The following UGT1A10 variants were observed in gnomAD, a reference collection of about 807,000 sequenced individuals.
UGT1A10 encodes UDP glucuronosyltransferase family 1 member A10.
A neutral mutation model predicts 45.8 loss-of-function variants in UGT1A10; 49 were observed. That is an observed-to-expected ratio of 1.07 (90% CI 0.85 to 1.36). UGT1A10 has a LOEUF of 1.36. UGT1A10 is among the 40% of genes most tolerant of loss of function. The pLI is 0.00. For synonymous variants in UGT1A10, 284 were observed against 249.7 expected, an observed-to-expected ratio of 1.14 and a Z score of -1.29; for missense variants, 745 against 668.6, an observed-to-expected ratio of 1.11 and a Z score of -1.26.
chr2:233,684,489 A>G (rs1035081818), intron 1 of UGT1A10, among the ~76,000 whole-genome samples: 7 of 152,168 alleles, frequency 4.6e-5, no homozygotes, highest in Non-Finnish European at 1.0e-4. Context: ...TCAAAGGGTC[A>G]CCCAAAGGGA....
intron 1 of UGT1A10, among the ~76,000 whole-genome samples, chr2:233,724,861 A>T (rs2077325347): frequency 7.8e-6 from 1 of 128,420 alleles, no homozygotes; most frequent in African/African-American, 3.4e-5. Context: ...TGGGAGGTGT[A>T]GGTTGTAGTG....
chr2:233,757,188 C>CT (rs910058978), intron 1 of UGT1A10, among the ~76,000 whole-genome samples: 3 of 150,488 alleles, frequency 2.0e-5, no homozygotes, highest in African/African-American at 7.4e-5. Flanking sequence ...GCAGAGGACT[C>CT]TGAATTTTCT....
chr2:233,637,116 A>C lies in UGT1A10; in HGVS notation c.594A>C (p.Ser198=), dbSNP rs1371110258. 2.5e-6 allele frequency: 4 copies of C among 1,613,854 alleles called. No homozygotes were observed. In the African/African-American group the frequency reaches 4.0e-5, roughly 16 times the overall value. ...SYVPNDLLGF[S]DAMTFKERVW... Reference sequence around the variant, plus strand: ...TCCCCAATGATCTCTTAGGGTTCTCAGATGCCATGACTTTCAAGGAGAGAG... The same window carrying C: ...TCCCCAATGATCTCTTAGGGTTCTCCGATGCCATGACTTTCAAGGAGAGAG... Residue 198 remains serine (S), a synonymous_variant, in exon 1 of 5, where the codon TCA becomes TCC. Transcript: ENST00000344644.
intron 1 of UGT1A10, among the ~76,000 whole-genome samples, chr2:233,666,689 T>TGCAC (rs1326770646): frequency 2.0e-5 from 3 of 152,166 alleles, no homozygotes; most frequent in Non-Finnish European, 2.9e-5. Context: ...AGAGTACATG[T>TGCAC]GCACAATGTG....
Position 233,767,697 on chromosome 2 carries a change from C to A in UGT1A10, c.988-152C>A, listed in dbSNP as rs558537555. Reference sequence around the variant, plus strand: ...CTCCAAAACAAGATGCCGGAAGTTGCCAGTCCTCAGAAGCCTTCACAGTTA... The same window carrying A: ...CTCCAAAACAAGATGCCGGAAGTTGACAGTCCTCAGAAGCCTTCACAGTTA... On this transcript the variant is annotated intron_variant, in intron 2 of 4. Coordinates refer to ENST00000344644, the MANE Select transcript of UGT1A10 (RefSeq NM_019075.4). 77 of 1,498,202 alleles carry A rather than the reference C, an allele frequency of 5.1e-5. 3 individuals carry two copies. The South Asian group carries it at 9.5e-4, about 18-fold the overall frequency. 92.8% of individuals were successfully genotyped at this position (1,498,202 alleles called of 1,614,324 possible). A position where few individuals can be genotyped will look rare whatever the true frequency, so the allele number is the denominator to read the frequency against.
intron 1 of UGT1A10, among the ~76,000 whole-genome samples, chr2:233,724,317 G>A (rs1449472256): frequency 4.8e-4 from 64 of 132,596 alleles, no homozygotes; most frequent in East Asian, 1.3e-3. Flanking sequence ...CCCGGACGGG[G>A]CGGCTGGCCA....
chr2:233,656,864 A>G (rs1048779816), intron 1 of UGT1A10, among the ~76,000 whole-genome samples: 6 of 151,496 alleles, frequency 4.0e-5, no homozygotes, highest in Admixed American at 3.9e-4. Context: ...GGGCATCCCT[A>G]TTAAGATGTG....
intron 1 of UGT1A10, among the ~76,000 whole-genome samples, chr2:233,661,490 T>A (rs1387182884): frequency 6.6e-6 from 1 of 152,174 alleles, no homozygotes; most frequent in Non-Finnish European, 1.5e-5. Context: ...TCTTTGAATA[T>A]CCTTCTTTCT....
At chr2:233,693,417 T>A in intron 1 of UGT1A10, 1 of 1,614,112 alleles carries the variant, frequency 6.2e-7, no homozygotes, top group Non-Finnish European at 8.5e-7. Flanking sequence ...ACCCTGAACT[T>A]CTTTAAGGAG....
chr2:233,731,432 C>T (rs2078159298), intron 1 of UGT1A10, among the ~76,000 whole-genome samples: 1 of 152,116 alleles, frequency 6.6e-6, no homozygotes, highest in Non-Finnish European at 1.5e-5. Flanking sequence ...CCATCCCTCC[C>T]CCAGTCCCCC....
chr2:233,729,981 G>A (rs747249815), intron 1 of UGT1A10: 1 of 1,614,052 alleles, frequency 6.2e-7, no homozygotes, highest in Non-Finnish European at 8.5e-7. Flanking sequence ...CCAACAGGAA[G>A]CCACTATCTC....
At chr2:233,683,006 T>C (rs1231336803) in intron 1 of UGT1A10, among the ~76,000 whole-genome samples, 1 of 152,186 alleles carries the variant, frequency 6.6e-6, no homozygotes, top group East Asian at 1.9e-4. Flanking sequence ...GATATAATTG[T>C]AGATCATATC....
At position 233,767,184 on chromosome 2, in the gene UGT1A10, A is replaced by T. The variant is rs1373599662; in HGVS notation, c.987+19A>T. 3.7e-6 allele frequency: 6 copies of T among 1,613,882 alleles called. No individual in the cohort carries two copies. Among genetic ancestry groups the T allele is most frequent in the Non-Finnish European group, 5.1e-6 (6 of 1,179,970 alleles). ...TCAGACAGTAAGAAGATTCTATACCATGGCCTCATATCTATTTTCACAGGA... is the reference window on the plus strand; with the variant it reads ...TCAGACAGTAAGAAGATTCTATACCTTGGCCTCATATCTATTTTCACAGGA... On this transcript the variant is annotated intron_variant, in intron 2 of 4. Coordinates refer to ENST00000344644, the MANE Select transcript of UGT1A10 (RefSeq NM_019075.4).
Position 233,748,846 on chromosome 2 carries a change from G to A in UGT1A10, c.856-18188G>A, listed in dbSNP as rs117649476. ...CTAGGGAGGAGATAAAACTGTGAGC[G>A]TATAAGCCCAGTTAAGCTGGGGACG... On this transcript the variant is annotated intron_variant, in intron 1 of 4. Transcript: ENST00000344644. Among the ~76,000 whole-genome samples, 30 of 151,478 alleles carry A rather than the reference G, an allele frequency of 2.0e-4. 1 individual carries two copies. The East Asian group carries it at 5.4e-3, about 27-fold the overall frequency.
At chr2:233,736,819 A>G (rs1408974835) in intron 1 of UGT1A10, among the ~76,000 whole-genome samples, 1 of 152,184 alleles carries the variant, frequency 6.6e-6, no homozygotes, top group Non-Finnish European at 1.5e-5. Context: ...TCCACTCCAG[A>G]TGCTCTTTGC....
intron 1 of UGT1A10, among the ~76,000 whole-genome samples, chr2:233,701,702 G>A (rs1450661974): frequency 2.0e-5 from 3 of 152,064 alleles, no homozygotes; most frequent in South Asian, 2.1e-4. Flanking sequence ...ACTCAAAACC[G>A]CTCAACTACA....
intron 1 of UGT1A10, among the ~76,000 whole-genome samples, chr2:233,715,186 A>G (rs959618310): frequency 6.6e-6 from 1 of 152,160 alleles, no homozygotes; most frequent in Non-Finnish European, 1.5e-5. Context: ...ACACCTAGGC[A>G]ATTTTTCTAT....
intron 1 of UGT1A10, among the ~76,000 whole-genome samples, chr2:233,718,371 GAAGA>G (rs1356722234): frequency 1.3e-5 from 2 of 152,202 alleles, no homozygotes; most frequent in African/African-American, 4.8e-5. Context: ...TCACATATGA[GAAGA>G]AAGAGTTTCA....
intron 1 of UGT1A10, among the ~76,000 whole-genome samples, chr2:233,703,067 G>A (rs28899181): frequency 1.3e-5 from 2 of 152,224 alleles, no homozygotes; most frequent in African/African-American, 4.8e-5. Flanking sequence ...TAGTGAAGCT[G>A]TCTGGGCCTA....
Sources: gnomAD v4.1 joint callset for allele counts (sites outside exome capture counted in the v4.1 genomes callset) on GRCh38, gnomAD v4.1.1 for gene constraint, MANE v1.5 for transcripts, NCBI Gene and HGNC (gene_info 2026-07-23, HGNC 2026-07-21) for gene names.